The following CSMD2 variants were observed in gnomAD, a reference collection of about 807,000 sequenced individuals.
CSMD2 encodes CUB and Sushi multiple domains 2.
In CSMD2, 130 loss-of-function variants were observed where a neutral mutation model predicts 398.5. That is an observed-to-expected ratio of 0.33 (90% CI 0.28 to 0.38). CSMD2 has a LOEUF of 0.38. Among genes scored for constraint, CSMD2 ranks in the 10% least tolerant of loss-of-function variants. CSMD2 has a pLI of 1.00. For missense variants in CSMD2, 3,829 were observed against 4,764.9 expected, an observed-to-expected ratio of 0.80 and a Z score of 5.78; for synonymous variants, 1,828 against 1,908.5, an observed-to-expected ratio of 0.96 and a Z score of 1.10.
intron 2 of CSMD2, among the ~76,000 whole-genome samples, chr1:34,052,014 T>C (rs1434219919): frequency 1.3e-5 from 2 of 152,142 alleles, no homozygotes; most frequent in Admixed American, 1.3e-4. Context: ...TCTCTCTGAC[T>C]GTCTTCAACC....
At chr1:34,095,500 G>C (rs1659175042) in intron 1 of CSMD2, among the ~76,000 whole-genome samples, 1 of 151,228 alleles carries the variant, frequency 6.6e-6, no homozygotes, top group South Asian at 2.1e-4. Flanking sequence ...CAACAAAATA[G>C]ATAGACCGCT....
Position 34,074,801 on chromosome 1 carries a change from A to AGGG in CSMD2, c.404+14173_404+14175dup, listed in dbSNP as rs539664746. 4.1e-3 allele frequency among the ~76,000 whole-genome samples: 624 copies of AGGG among 152,206 alleles called. 2 individuals carry two copies. Among genetic ancestry groups the AGGG allele is most frequent in the Non-Finnish European group, 6.9e-3 (466 of 68,012 alleles). The stretch of plus-strand genomic sequence containing the variant: ...TGGTAATCTGAGCAGGTATCACAGG[A>AGGG]GGGTTTGACCAGGTTGTGAGGAAAG... On this transcript the variant is annotated intron_variant, in intron 2 of 70. Coordinates refer to ENST00000373381, the MANE Select transcript of CSMD2 (RefSeq NM_001281956.2).
intron 1 of CSMD2, among the ~76,000 whole-genome samples, chr1:34,113,325 G>A (rs1000523098): frequency 2.6e-5 from 4 of 152,306 alleles, no homozygotes; most frequent in South Asian, 2.1e-4. Context: ...GCAGAGCAGC[G>A]ACCCAGGACC....
intron 44 of CSMD2, 97 bp downstream of exon 44, chr1:33,600,768 C>T: frequency 7.7e-7 from 1 of 1,292,724 alleles, no homozygotes; most frequent in Non-Finnish European, 1.1e-6. Context: ...ACAACTCACT[C>T]AAGGTCACAT....
At chr1:33,742,621 TA>T (rs1647118466) in intron 14 of CSMD2, among the ~76,000 whole-genome samples, 1 of 92,792 alleles carries the variant, frequency 1.1e-5, no homozygotes, top group Non-Finnish European at 2.0e-5. Flanking sequence ...GATACAGAAA[TA>T]AAAATAATCA....
chr1:34,077,668 C>T (rs564787838), intron 2 of CSMD2, among the ~76,000 whole-genome samples: 13 of 132,522 alleles, frequency 9.8e-5, no homozygotes, highest in Middle Eastern at 4.3e-3. Flanking sequence ...ACCCGGGAGG[C>T]GGAGCTTGCA....
intron 15 of CSMD2, among the ~76,000 whole-genome samples, chr1:33,727,181 C>T (rs999812272): frequency 6.6e-6 from 1 of 152,118 alleles, no homozygotes; most frequent in African/African-American, 2.4e-5. Context: ...ACTGGGTATC[C>T]CCAGTATTGA....
intron 6 of CSMD2, among the ~76,000 whole-genome samples, chr1:33,828,580 G>T (rs1659089096): frequency 6.6e-6 from 1 of 152,192 alleles, no homozygotes; most frequent in Non-Finnish European, 1.5e-5. Context: ...GCCATTCCCA[G>T]GGGCAAAGCT....
At chr1:34,014,896 C>T (rs1356402075) in intron 3 of CSMD2, among the ~76,000 whole-genome samples, 3 of 152,210 alleles carry the variant, frequency 2.0e-5, no homozygotes, top group Non-Finnish European at 1.5e-5. Flanking sequence ...ACCAAGAAGC[C>T]TCAGCCAGAA....
chr1:33,848,840 C>G (rs1373242895), intron 5 of CSMD2, among the ~76,000 whole-genome samples: 1 of 133,622 alleles, frequency 7.5e-6, no homozygotes, highest in Non-Finnish European at 1.6e-5. Context: ...AGGCCAAATT[C>G]AATTCTATCT....
rs1641696086 is a variant in CSMD2, at chr1:33,620,458, CT to C, written c.5827+1708del. On this transcript the variant is annotated intron_variant, in intron 37 of 70. Coordinates refer to ENST00000373381, the MANE Select transcript of CSMD2 (RefSeq NM_001281956.2). ...GGGACAACACATGAAATGTCAGCTA[CT>C]GGGAAAACTGCCAGTCCCCTTGGAC... Among the ~76,000 whole-genome samples the C allele has an allele frequency of 2.6e-5, 4 of 152,278 alleles. No individual in the cohort carries two copies. In the South Asian group the frequency reaches 8.3e-4, roughly 32 times the overall value.
intron 7 of CSMD2, among the ~76,000 whole-genome samples, chr1:33,821,190 T>C (rs1290295061): frequency 3.3e-5 from 5 of 152,150 alleles, no homozygotes; most frequent in Admixed American, 6.5e-5. Flanking sequence ...CGGGCAGAGA[T>C]GGCACCTGTG....
chr1:33,671,134 G>A lies in CSMD2; in HGVS notation c.4053-8042C>T, dbSNP rs367644628. Among the ~76,000 whole-genome samples, 31 of 152,156 alleles carry A rather than the reference G, an allele frequency of 2.0e-4. 1 individual carries two copies. The highest frequency in any genetic ancestry group is 1.1e-3 in the Admixed American group (17 of 15,274). Reference sequence around the variant, plus strand: ...GCGGGTGGCTGAGACCTGAAGCCGTGGCTCAGGGAATGGTGATAATGTCCA... The same window carrying A: ...GCGGGTGGCTGAGACCTGAAGCCGTAGCTCAGGGAATGGTGATAATGTCCA... On this transcript the variant is annotated intron_variant, in intron 25 of 70. Coordinates refer to ENST00000373381, the MANE Select transcript of CSMD2 (RefSeq NM_001281956.2).
chr1:34,003,151 C>CCCCT (rs1412337157), intron 3 of CSMD2, among the ~76,000 whole-genome samples: 1 of 152,104 alleles, frequency 6.6e-6, no homozygotes, highest in Non-Finnish European at 1.5e-5. Context: ...AACTCCCATT[C>CCCCT]CCCTCCCTCC....
At chr1:33,662,620 C>T (rs910223402) in intron 26 of CSMD2, among the ~76,000 whole-genome samples, 10 of 152,160 alleles carry the variant, frequency 6.6e-5, no homozygotes, top group Non-Finnish European at 1.3e-4. Flanking sequence ...GGAACATCTT[C>T]CTTGATGCTC....
chr1:33,855,473 T>C (rs1639017338), intron 5 of CSMD2, among the ~76,000 whole-genome samples: 3 of 152,026 alleles, frequency 2.0e-5, no homozygotes, highest in Admixed American at 1.3e-4. Flanking sequence ...ATTTGGGAAA[T>C]GGTGTCCTAG....
chr1:33,817,538 A>C (rs909759698), intron 9 of CSMD2, among the ~76,000 whole-genome samples: 1 of 152,216 alleles, frequency 6.6e-6, no homozygotes, highest in Non-Finnish European at 1.5e-5. Flanking sequence ...GTATGATTGC[A>C]ATAGGATTAG....
chr1:34,094,062 G>A (rs961423585), intron 1 of CSMD2, among the ~76,000 whole-genome samples: 2 of 152,040 alleles, frequency 1.3e-5, no homozygotes, highest in Admixed American at 6.6e-5. Context: ...CAGATCTCTC[G>A]GCAGAAACCC....
chr1:34,096,038 A>C (rs1176566961), intron 1 of CSMD2, among the ~76,000 whole-genome samples: 2 of 152,048 alleles, frequency 1.3e-5, no homozygotes, highest in African/African-American at 4.8e-5. Context: ...CGAATCCAGC[A>C]GCACATCAAA....
Sources: gnomAD v4.1 joint callset for allele counts (sites outside exome capture counted in the v4.1 genomes callset) on GRCh38, gnomAD v4.1.1 for gene constraint, MANE v1.5 for transcripts, NCBI Gene and HGNC (gene_info 2026-07-23, HGNC 2026-07-21) for gene names.